Variants in LTBP4 observed in about 807,000 individuals in gnomAD.
LTBP4 encodes latent transforming growth factor beta binding protein 4.
In LTBP4, 93 loss-of-function variants were observed where a neutral mutation model predicts 180.2. The ratio of observed to expected loss-of-function variants is 0.52; its 90% CI spans 0.44 to 0.61. The LOEUF (loss-of-function observed/expected upper bound fraction) is 0.61, where lower values mean the gene tolerates loss of function less well. LTBP4 is among the 20% of genes least tolerant of loss of function. The probability of loss-of-function intolerance (pLI) is 0.00; values close to 1 mark genes in which losing one functional copy is unlikely to be tolerated. For missense variants in LTBP4, 2,116 were observed against 2,256.5 expected (o/e 0.94, Z 1.26); for synonymous variants, 947 against 934.5 (o/e 1.01, Z -0.24).
chr19:40,620,035 C>A (rs968068259), intron 22 of LTBP4, among the ~76,000 whole-genome samples: 1 of 152,016 alleles, frequency 6.6e-6, no homozygotes, highest in African/African-American at 2.4e-5. Context: ...ACAGCAAGGG[C>A]AAAGGCCTGG....
Position 40,612,140 on chromosome 19 carries a change from C to T in LTBP4, c.2247C>T (p.Phe749=), listed in dbSNP as rs1281648156. Residue 749 remains phenylalanine, a synonymous_variant, in exon 15 of 30, where the codon TTC becomes TTT. Coordinates refer to ENST00000396819, the MANE Select transcript of LTBP4 (RefSeq NM_001042545.2). ...GQECVNSPGS[F]QCRTCPSGHH... is the part of the protein sequence containing the mutation. ...AGTGTGTGAACTCGCCCGGCTCCTT[C>T]CAGTGCAGGACCTGTCCTTCTGGCC... is the stretch of plus-strand genomic sequence containing the variant. 2 of 1,613,156 alleles carry T rather than the reference C, an allele frequency of 1.2e-6. No individual in the cohort carries two copies. Among genetic ancestry groups the T allele is most frequent in the South Asian group, 2.2e-5 (2 of 90,784 alleles).
In LTBP4 at chr19:40,593,255, G is replaced by A. The variant is rs1014491926; in HGVS notation, c.16+74G>A. On this transcript the variant is annotated intron_variant, in intron 1 of 32. Transcript: ENST00000204005. ...ACCCTAATTTTGTTTTTGTTTGTTT[G>A]TTTTTGAGACAGGGTCTTGCTTTGT... The A allele has an allele frequency of 1.5e-5, 24 of 1,575,078 alleles. No homozygotes were observed. In the African/African-American group the frequency reaches 3.2e-4, roughly 21 times the overall value.
In LTBP4 at chr19:40,613,554, C is replaced by A; in HGVS notation, c.2557+25C>A. The A allele has an allele frequency of 6.4e-7, 1 of 1,556,564 alleles. No individual in the cohort carries two copies. Among genetic ancestry groups the A allele is most frequent in the Non-Finnish European group, 8.7e-7 (1 of 1,152,508 alleles). On this transcript the variant is annotated intron_variant, in intron 17 of 29. Transcript: ENST00000396819. The surrounding 1 kb of genome is among the most constrained non-coding windows in gnomAD (Gnocchi z 5.0). ...GGTTCGTACCCGGGCTGATCCTGGC[C>A]CCGGAAAGGGTGGGCTTAGGGCAGG...
upstream of LTBP4, chr19:40,599,718 G>C (rs1176350480): frequency 7.7e-6 from 5 of 646,844 alleles, no homozygotes; most frequent in Non-Finnish European, 1.3e-5. Context: ...TTCATCCCTT[G>C]CCTGCCTATC....
At position 40,623,032 on chromosome 19, in the gene LTBP4, C is replaced by G; in HGVS notation, c.3556+11C>G. On this transcript the variant is annotated intron_variant, in intron 24 of 29. Transcript: ENST00000396819. Reference sequence around the variant, plus strand: ...TGAGCCTCCGGAGAGGTGAGGCCAGCCTTTGACCCTCCACCCCACTCAGCT... The same window carrying G: ...TGAGCCTCCGGAGAGGTGAGGCCAGGCTTTGACCCTCCACCCCACTCAGCT... 6.3e-7 allele frequency: 1 copy of G among 1,598,894 alleles called. No individual in the cohort carries two copies. Among genetic ancestry groups the G allele is most frequent in the Non-Finnish European group, 8.5e-7 (1 of 1,172,568 alleles).
intron 1 of LTBP4, among the ~76,000 whole-genome samples, chr19:40,596,282 C>G (rs2081390035): frequency 6.6e-6 from 1 of 152,066 alleles, no homozygotes; most frequent in Admixed American, 6.6e-5. Flanking sequence ...AGGCTCACCT[C>G]AAACTCCTGG....
upstream of LTBP4, chr19:40,599,430 G>C (rs775371902): frequency 5.0e-6 from 8 of 1,613,868 alleles, no homozygotes; most frequent in South Asian, 8.8e-5. Flanking sequence ...GCCTTCTGCA[G>C]GGTCCGAAGC....
chr19:40,625,316 A>ATATATT lies in LTBP4; in HGVS notation c.3833-540_3833-539insATATTT, dbSNP rs1568414647. ...TATATATATATATATATATATATAT[A>ATATATT]TTTTTTTTTTTAAAGATGGGTTTTT... is the stretch of plus-strand genomic sequence containing the variant. On this transcript the variant is annotated intron_variant, in intron 26 of 29. Coordinates refer to ENST00000396819, the MANE Select transcript of LTBP4 (RefSeq NM_001042545.2). 3.6e-4 allele frequency among the ~76,000 whole-genome samples: 8 copies of ATATATT among 21,932 alleles called. 1 individual carries two copies. The highest frequency in any genetic ancestry group is 5.5e-4 in the Non-Finnish European group (7 of 12,650). The allele number at this position is 21,932 out of a possible 152,430, so 14.4% of individuals were successfully genotyped here.
upstream of LTBP4, among the ~76,000 whole-genome samples, chr19:40,597,879 A>C (rs2081399368): frequency 6.9e-6 from 1 of 144,344 alleles, no homozygotes; most frequent in Non-Finnish European, 1.5e-5. Flanking sequence ...AGGAAGACAT[A>C]GACTCTTGCG....
upstream of LTBP4, among the ~76,000 whole-genome samples, chr19:40,596,578 G>A (rs536725555): frequency 4.5e-3 from 681 of 152,242 alleles, 2 homozygotes; most frequent in Non-Finnish European, 6.6e-3. Context: ...GAGCTTCGGG[G>A]AGCAAGCTTT....
At position 40,613,279 on chromosome 19, in the gene LTBP4, G is replaced by A; in HGVS notation, c.2431+83G>A. On this transcript the variant is annotated intron_variant, in intron 16 of 29. Coordinates refer to ENST00000396819, the MANE Select transcript of LTBP4 (RefSeq NM_001042545.2). This position sits in a 1 kb window ranked among gnomAD's most constrained non-coding sequence, Gnocchi z 5.0. ...AAGCCGGCTGGAAAGGTGGAGGCGG[G>A]ACCAAGGCGCTGTGGGAGGAGCTTA... 1.3e-6 allele frequency: 2 copies of A among 1,543,198 alleles called. No individual in the cohort carries two copies. The highest frequency in any genetic ancestry group is 1.7e-4 in the Middle Eastern group (1 of 5,920).
rs777358283 is a variant in LTBP4 at position 40,611,384 on chromosome 19, C to A, written c.2043C>A (p.Ala681=). The change falls in exon 13 of 30, where the codon GCC becomes GCA. Residue 681 remains alanine, a synonymous_variant. Transcript: ENST00000396819. The surrounding 1 kb of genome is among the most constrained non-coding windows in gnomAD (Gnocchi z 4.4). ...GCTTCCGCTCCCGAGGGCCCGGGGC[C>A]CCCTGCCAAGGTGAGGGTGCTGAGC... is the stretch of plus-strand genomic sequence containing the variant. ...PAGFRSRGPG[A]PCQDVDECAR... 1.9e-6 allele frequency: 3 copies of A among 1,605,860 alleles called. No homozygotes were observed. The African/African-American group carries it at 4.0e-5, about 21-fold the overall frequency.
At chr19:40,620,139 G>C (rs1821935260) in intron 22 of LTBP4, among the ~76,000 whole-genome samples, 1 of 152,196 alleles carries the variant, frequency 6.6e-6, no homozygotes, top group Non-Finnish European at 1.5e-5. Flanking sequence ...GAGAGATGGG[G>C]CCAGGGAAAG....
intron 22 of LTBP4, among the ~76,000 whole-genome samples, chr19:40,621,881 G>A (rs1599875334): frequency 6.6e-6 from 1 of 152,188 alleles, no homozygotes; most frequent in Non-Finnish European, 1.5e-5. Context: ...CCAAGTAGCT[G>A]GGATTACAGG....
chr19:40,613,044 G>T lies in LTBP4; in HGVS notation c.2300-21G>T, dbSNP rs770417480. On this transcript the variant is annotated intron_variant, in intron 15 of 29. Transcript: ENST00000396819. The surrounding 1 kb of genome is among the most constrained non-coding windows in gnomAD (Gnocchi z 5.0). ...TGTGTCCCGAGACTGGACCCTTTCT[G>T]AACACCCCCACCCCCCACAGATGTG... 1 of 1,609,910 alleles carries T rather than the reference G, an allele frequency of 6.2e-7. No individual in the cohort carries two copies. Among genetic ancestry groups the T allele is most frequent in the Non-Finnish European group, 8.5e-7 (1 of 1,177,970 alleles).
chr19:40,605,344 T>C lies in LTBP4; in HGVS notation c.443-61T>C. 1 of 1,601,226 alleles carries C rather than the reference T, an allele frequency of 6.2e-7. No individual in the cohort carries two copies. The highest frequency in any genetic ancestry group is 8.5e-7 in the Non-Finnish European group (1 of 1,173,356). On this transcript the variant is annotated intron_variant, in intron 2 of 29. Transcript: ENST00000396819. The surrounding 1 kb of genome is among the most constrained non-coding windows in gnomAD (Gnocchi z 5.5). ...TGCCCAGCTCGCCCTCCCCGCCTTG[T>C]CTAGCCCCACCCCGTAAGAACCCGT...
intron 19 of LTBP4, among the ~76,000 whole-genome samples, chr19:40,615,860 G>A (rs890517224): frequency 3.9e-5 from 6 of 152,216 alleles, no homozygotes; most frequent in Non-Finnish European, 5.9e-5. Flanking sequence ...TGCTATTGTA[G>A]AGTTTGTATT....
At position 40,629,515 on chromosome 19, in the gene LTBP4, C is replaced by T. The variant is rs2081662560; in HGVS notation, c.4639C>T (p.Pro1547Ser). ...CCCGGGATTCGCACCCACGCACCAG[C>T]CGCACCACTGTGCGCCCGCACGGCC... is the stretch of plus-strand genomic sequence containing the variant. ...CRPGFAPTHQ[P>S]HHCAPARPRA The change falls in exon 30 of 30, where the codon CCG (proline) becomes TCG (serine). Residue 1547 changes from proline to serine, a missense_variant. By Grantham distance (74) the Pro-to-Ser change is moderately conservative. Coordinates refer to ENST00000396819, the MANE Select transcript of LTBP4 (RefSeq NM_001042545.2). This position sits in a 1 kb window ranked among gnomAD's most constrained non-coding sequence, Gnocchi z 4.5. 6.3e-7 allele frequency: 1 copy of T among 1,592,542 alleles called. No individual in the cohort carries two copies. Among genetic ancestry groups the T allele is most frequent in the Non-Finnish European group, 8.6e-7 (1 of 1,167,222 alleles).
chr19:40,627,491 A>G lies in LTBP4; in HGVS notation c.4366+136A>G. ...AGAGAGCCACAGAAAGGGACAGAGAAGTGTCTATAGCCCGGCAAAGAAAGA... is the reference window on the plus strand; with the variant it reads ...AGAGAGCCACAGAAAGGGACAGAGAGGTGTCTATAGCCCGGCAAAGAAAGA... On this transcript the variant is annotated intron_variant, in intron 28 of 29. Coordinates refer to ENST00000396819, the MANE Select transcript of LTBP4 (RefSeq NM_001042545.2). The G allele has an allele frequency of 8.4e-6, 11 of 1,305,710 alleles. No homozygotes were observed. In the South Asian group the frequency reaches 1.5e-4, roughly 18 times the overall value. 80.9% of individuals were successfully genotyped at this position (1,305,710 alleles called of 1,614,324 possible). A position where few individuals can be genotyped will look rare whatever the true frequency, so the allele number is the denominator to read the frequency against.
Sources: allele counts gnomAD v4.1 joint callset (sites outside exome capture counted in the v4.1 genomes callset), GRCh38; gene constraint gnomAD v4.1.1; non-coding constraint Gnocchi (gnomAD v3.1); transcripts MANE v1.5; gene names NCBI Gene and HGNC (gene_info 2026-07-23, HGNC 2026-07-21).